DPYD: variants seen among roughly 807,000 people sequenced by gnomAD.
DPYD encodes the protein dihydropyrimidine dehydrogenase, also known as dihydropyrimidine dehydrogenase [NADP(+)].
A neutral mutation model predicts 116.2 loss-of-function variants in DPYD; 109 were observed. The ratio of observed to expected loss-of-function variants is 0.94; its 90% CI spans 0.80 to 1.10. DPYD has a LOEUF of 1.10. Among genes scored for constraint, DPYD ranks in the 50% least tolerant of loss-of-function variants. DPYD has a pLI of 0.00. For missense variants in DPYD, 1,302 were observed against 1,254.5 expected (o/e 1.04, Z -0.57); for synonymous variants, 440 against 432.0 (o/e 1.02, Z -0.23).
At chr1:97,584,803 G>A (rs1373659672) in intron 10 of DPYD, among the ~76,000 whole-genome samples, 6 of 117,794 alleles carry the variant, frequency 5.1e-5, no homozygotes, top group Non-Finnish European at 1.0e-4. Flanking sequence ...CTGTTGTGGG[G>A]TGGGGGGAGG....
At chr1:97,161,703 T>C (rs1236742597) in intron 20 of DPYD, among the ~76,000 whole-genome samples, 2 of 141,554 alleles carry the variant, frequency 1.4e-5, no homozygotes, top group East Asian at 2.3e-4. Flanking sequence ...GTATATCTCC[T>C]AATGCTATCC....
At chr1:97,087,731 G>T (rs1649615566) in intron 21 of DPYD, among the ~76,000 whole-genome samples, 2 of 152,142 alleles carry the variant, frequency 1.3e-5, no homozygotes, top group Admixed American at 1.3e-4. Flanking sequence ...TTTAATGAAG[G>T]TAAGTGTATT....
At chr1:97,179,531 T>C (rs1398303096) in intron 20 of DPYD, among the ~76,000 whole-genome samples, 1 of 152,118 alleles carries the variant, frequency 6.6e-6, no homozygotes, top group East Asian at 1.9e-4. Context: ...TTTAAAGATG[T>C]ATGGCAACAA....
At chr1:97,860,140 T>G (rs1482756625) in intron 2 of DPYD, among the ~76,000 whole-genome samples, 1 of 152,040 alleles carries the variant, frequency 6.6e-6, no homozygotes, top group Non-Finnish European at 1.5e-5. Context: ...TCCAAGAGTT[T>G]GAGAACAGTC....
At chr1:97,533,979 A>T (rs1649821780) in intron 12 of DPYD, among the ~76,000 whole-genome samples, 1 of 152,190 alleles carries the variant, frequency 6.6e-6, no homozygotes. Context: ...CAGATCTTTT[A>T]GTAGTCTAAG....
intron 2 of DPYD, among the ~76,000 whole-genome samples, chr1:97,842,635 T>C (rs1397028831): frequency 6.6e-6 from 1 of 152,054 alleles, no homozygotes; most frequent in Non-Finnish European, 1.5e-5. Flanking sequence ...ATCACGATTA[T>C]TATTTTAAAC....
intron 14 of DPYD, among the ~76,000 whole-genome samples, chr1:97,444,241 T>C (rs1394204249): frequency 6.6e-6 from 1 of 152,194 alleles, no homozygotes; most frequent in Admixed American, 6.6e-5. Context: ...ATAACACATA[T>C]TCTTAATTTC....
intron 5 of DPYD, among the ~76,000 whole-genome samples, chr1:97,714,283 G>A (rs187074912): frequency 1.3e-5 from 2 of 152,038 alleles, no homozygotes; most frequent in East Asian, 1.9e-4. Flanking sequence ...GCGCAATCTC[G>A]GCTCATTGCA....
At chr1:97,569,928 A>G (rs74684283) in intron 11 of DPYD, among the ~76,000 whole-genome samples, 12,740 of 152,036 alleles carry the variant, frequency 0.084, 761 homozygotes, top group Middle Eastern at 0.14. Flanking sequence ...AGTAATGATG[A>G]TTACTTATCA....
intron 20 of DPYD, among the ~76,000 whole-genome samples, chr1:97,175,405 G>T (rs921298478): frequency 6.6e-6 from 1 of 152,152 alleles, no homozygotes; most frequent in Non-Finnish European, 1.5e-5. Context: ...GATGTGCAAG[G>T]TCACCTGTGT....
rs77041628 is a variant in DPYD, at chr1:97,508,519, G to A, written c.1740+7207C>T. 6.0e-3 allele frequency among the ~76,000 whole-genome samples: 911 copies of A among 152,034 alleles called. 32 individuals are homozygous for A. The South Asian group carries it at 0.066, about 11-fold the overall frequency. ...GCACATAGAAATATAAAATTTCTGT[G>A]CAACTTTTATTTCTCAATAGAAAGA... On this transcript the variant is annotated intron_variant, in intron 13 of 22. Transcript: ENST00000370192.
At chr1:97,430,112 A>G (rs967882406) in intron 14 of DPYD, among the ~76,000 whole-genome samples, 1 of 152,138 alleles carries the variant, frequency 6.6e-6, no homozygotes, top group Non-Finnish European at 1.5e-5. Context: ...AGTTACGTTT[A>G]TTGAGAATGC....
chr1:97,476,987 G>T (rs905432461), intron 13 of DPYD, among the ~76,000 whole-genome samples: 8 of 152,154 alleles, frequency 5.3e-5, no homozygotes, highest in Non-Finnish European at 1.0e-4. Context: ...AGCCTTCTGA[G>T]AGTCAAAACC....
At chr1:97,235,326 G>C (rs747392471) in intron 18 of DPYD, among the ~76,000 whole-genome samples, 1 of 152,162 alleles carries the variant, frequency 6.6e-6, no homozygotes, top group Non-Finnish European at 1.5e-5. Flanking sequence ...GTAAAAGATT[G>C]CATAGAATAT....
rs1194533883 is a variant in DPYD at position 97,134,012 on chromosome 1, AAAATATATATATATATATATATATAT to A, written c.2623-35406_2623-35381del. Among the ~76,000 whole-genome samples the A allele has an allele frequency of 5.5e-4, 27 of 48,844 alleles. 6 individuals are homozygous for A. Among genetic ancestry groups the A allele is most frequent in the African/African-American group, 1.8e-3 (20 of 11,074 alleles). 32.0% of individuals were successfully genotyped at this position (48,844 alleles called of 152,430 possible). On this transcript the variant is annotated intron_variant, in intron 20 of 22. Transcript: ENST00000370192. Reference sequence around the variant, plus strand: ...AGACTCTGTTTCAAAAAAAAAAAAAAAAATATATATATATATATATATATATATATATATATATATATATATATATA... The same window carrying A: ...AGACTCTGTTTCAAAAAAAAAAAAAAATATATATATATATATATATATATA...
intron 14 of DPYD, among the ~76,000 whole-genome samples, chr1:97,409,222 A>T (rs374107253): frequency 1.7e-3 from 256 of 152,274 alleles, no homozygotes; most frequent in Non-Finnish European, 2.9e-3. Flanking sequence ...AAATTCCCCA[A>T]ATATGATTTT....
chr1:97,643,606 A>T (rs1385493583), intron 8 of DPYD, among the ~76,000 whole-genome samples: 1 of 152,194 alleles, frequency 6.6e-6, no homozygotes, highest in Non-Finnish European at 1.5e-5. Flanking sequence ...AAGGATGATA[A>T]ATCATTCTAC....
At chr1:97,682,274 G>C (rs1185623689) in intron 7 of DPYD, among the ~76,000 whole-genome samples, 1 of 151,850 alleles carries the variant, frequency 6.6e-6, no homozygotes, top group Non-Finnish European at 1.5e-5. Flanking sequence ...TACTGGGATG[G>C]AGACCAGCAA....
chr1:97,607,958 T>C (rs1557833928), intron 8 of DPYD, among the ~76,000 whole-genome samples: 1 of 152,080 alleles, frequency 6.6e-6, no homozygotes, highest in East Asian at 1.9e-4. Flanking sequence ...TGAAAGAGAA[T>C]ATTAAACAGA....
Sources: allele counts gnomAD v4.1 joint callset (sites outside exome capture counted in the v4.1 genomes callset), GRCh38; gene constraint gnomAD v4.1.1; transcripts MANE v1.5; gene names NCBI Gene and HGNC (gene_info 2026-07-23, HGNC 2026-07-21).